The following PTPRE variants were observed in gnomAD, a reference collection of about 807,000 sequenced individuals.
PTPRE encodes the protein receptor-type tyrosine-protein phosphatase epsilon.
Under a neutral mutation model 102.0 loss-of-function variants are expected in PTPRE, and 51 were observed. That is an observed-to-expected ratio of 0.50 (90% confidence interval 0.40 to 0.63). The LOEUF (loss-of-function observed/expected upper bound fraction) is 0.63. PTPRE is among the 30% of genes least tolerant of loss of function. PTPRE has a pLI of 0.00. For missense variants in PTPRE, 752 were observed against 915.1 expected, an observed-to-expected ratio of 0.82 and a Z score of 2.30; for synonymous variants, 345 against 348.2, an observed-to-expected ratio of 0.99 and a Z score of 0.10.
intron 1 of PTPRE, among the ~76,000 whole-genome samples, chr10:127,974,696 G>A (rs1851012843): frequency 6.6e-6 from 1 of 152,180 alleles, no homozygotes; most frequent in South Asian, 2.1e-4. Flanking sequence ...GGCTGGTTTA[G>A]CATATTGATG....
rs546978721 is a variant in PTPRE, at chr10:128,015,861, C to CACAT, written c.-7-25013_-7-25010dup. On this transcript the variant is annotated intron_variant, in intron 2 of 20. Transcript: ENST00000254667. ...GCTGGAGAGCAGATGGCAGCACAAT[C>CACAT]ACATGACTGTATGCTGTTCTGCAGT... Among the ~76,000 whole-genome samples, 12 of 152,306 alleles carry CACAT rather than the reference C, an allele frequency of 7.9e-5. No individual in the cohort carries two copies. The East Asian group carries it at 2.3e-3, about 29-fold the overall frequency.
At chr10:128,077,406 C>G (rs1202348150) in intron 18 of PTPRE, among the ~76,000 whole-genome samples, 2 of 152,222 alleles carry the variant, frequency 1.3e-5, no homozygotes, top group Admixed American at 1.3e-4. Flanking sequence ...CTCGCTCCCC[C>G]TTGCAGAAGG....
intron 1 of PTPRE, among the ~76,000 whole-genome samples, chr10:127,939,628 G>A (rs897745436): frequency 6.6e-6 from 1 of 152,176 alleles, no homozygotes; most frequent in Non-Finnish European, 1.5e-5. Context: ...GAGTTGGGTT[G>A]CTCTTCCACA....
chr10:128,030,864 C>T (rs1355738119), intron 2 of PTPRE, among the ~76,000 whole-genome samples: 1 of 152,180 alleles, frequency 6.6e-6, no homozygotes, highest in African/African-American at 2.4e-5. Flanking sequence ...TCCCTTTCTC[C>T]CCAGGCAGCC....
At chr10:128,048,826 G>C (rs765312323) in intron 5 of PTPRE, among the ~76,000 whole-genome samples, 1 of 152,208 alleles carries the variant, frequency 6.6e-6, no homozygotes, top group Non-Finnish European at 1.5e-5. Flanking sequence ...GGCTCTGCAG[G>C]TGGGGACAGG....
chr10:127,943,861 G>C (rs374146359), intron 1 of PTPRE, among the ~76,000 whole-genome samples: 22 of 152,288 alleles, frequency 1.4e-4, no homozygotes, highest in African/African-American at 4.8e-4. Context: ...TGGAATGACC[G>C]TGCCCACTGC....
chr10:128,073,758 C>A (rs1850984476), intron 17 of PTPRE, among the ~76,000 whole-genome samples: 1 of 152,150 alleles, frequency 6.6e-6, no homozygotes, highest in African/African-American at 2.4e-5. Context: ...AAGATCATAA[C>A]CTGTTGAAGA....
intron 1 of PTPRE, among the ~76,000 whole-genome samples, chr10:127,963,621 T>C (rs974190246): frequency 6.6e-6 from 1 of 152,164 alleles, no homozygotes; most frequent in African/African-American, 2.4e-5. Flanking sequence ...CCTGGAGTTG[T>C]GGGGAAGCAC....
intron 1 of PTPRE, among the ~76,000 whole-genome samples, chr10:127,959,296 T>A (rs545324784): frequency 2.6e-5 from 4 of 152,232 alleles, no homozygotes; most frequent in Admixed American, 6.5e-5. Context: ...CCTAAAAGCT[T>A]ACCCAGTTCA....
chr10:127,937,717 G>T (rs1229636134), intron 1 of PTPRE, among the ~76,000 whole-genome samples: 2 of 152,178 alleles, frequency 1.3e-5, no homozygotes, highest in Non-Finnish European at 2.9e-5. Flanking sequence ...AAATTAGATG[G>T]GCGTGGTGGC....
intron 1 of PTPRE, chr10:127,936,150 C>T (rs1185045011): frequency 6.6e-6 from 1 of 152,206 alleles, no homozygotes; most frequent in Non-Finnish European, 1.5e-5. Flanking sequence ...CTGGAAGTCA[C>T]TCTCCATTTG....
chr10:128,033,041 C>T (rs1333258317), intron 2 of PTPRE, among the ~76,000 whole-genome samples: 2 of 152,100 alleles, frequency 1.3e-5, no homozygotes, highest in Non-Finnish European at 2.9e-5. Flanking sequence ...TTACTAACTA[C>T]CTCGGGGGCT....
chr10:128,039,293 T>A (rs1423832101), intron 2 of PTPRE, among the ~76,000 whole-genome samples: 1 of 152,168 alleles, frequency 6.6e-6, no homozygotes, highest in Non-Finnish European at 1.5e-5. Flanking sequence ...CAAATCACAG[T>A]TCCTCCATAT....
At chr10:127,909,116 G>A (rs11018399) in intron 1 of PTPRE, among the ~76,000 whole-genome samples, 45,836 of 152,076 alleles carry the variant, frequency 0.3, 7,518 homozygotes, top group African/African-American at 0.43. Context: ...TGTCAGCACC[G>A]CCACCTCCAC....
chr10:128,073,584 C>T, intron 17 of PTPRE, 113 bp downstream of exon 17: 1 of 1,284,576 alleles, frequency 7.8e-7, no homozygotes, highest in Non-Finnish European at 1.0e-6. Flanking sequence ...TGGGTGAGAC[C>T]AAGCCAGGAC....
chr10:127,910,859 A>G (rs1443904956), intron 1 of PTPRE, among the ~76,000 whole-genome samples: 1 of 152,108 alleles, frequency 6.6e-6, no homozygotes, highest in African/African-American at 2.4e-5. Flanking sequence ...TGAAGCACGC[A>G]GATCACTTGA....
intron 12 of PTPRE, chr10:128,068,680 A>C (rs923631688): frequency 6.4e-6 from 1 of 156,870 alleles, no homozygotes; most frequent in African/African-American, 2.4e-5. Context: ...GGAAGAGCAC[A>C]CCATGCTCAG....
chr10:128,070,356 C>G lies in PTPRE; in HGVS notation c.1199C>G (p.Thr400Arg), dbSNP rs780793097. Reference protein sequence around the residue: ...ALLEYYLYGDTELDVSSLEKH... With the variant: ...ALLEYYLYGDRELDVSSLEKH... Reference sequence around the variant, plus strand: ...CTCGAGTACTACCTCTACGGGGACACAGAGCTGGACGTGTCCTCCCTGGAG... The same window carrying G: ...CTCGAGTACTACCTCTACGGGGACAGAGAGCTGGACGTGTCCTCCCTGGAG... Residue 400 changes from threonine to arginine, a missense_variant, in exon 14 of 21, where the codon ACA becomes AGA. By Grantham distance (71) the Thr-to-Arg change is moderately conservative. This residue lies in a region of PTPRE where 636 missense variants were observed against 824.4 expected (regional missense o/e 0.77). Coordinates refer to ENST00000254667, the MANE Select transcript of PTPRE (RefSeq NM_006504.6). This position sits in a 1 kb window ranked among gnomAD's most constrained non-coding sequence, Gnocchi z 4.8. The G allele has an allele frequency of 6.2e-7, 1 of 1,614,192 alleles. No individual in the cohort carries two copies. The highest frequency in any genetic ancestry group is 8.5e-7 in the Non-Finnish European group (1 of 1,180,034).
intron 10 of PTPRE, among the ~76,000 whole-genome samples, 186 bp downstream of exon 10, chr10:128,063,366 C>T (rs1163420637): frequency 1.3e-5 from 2 of 152,246 alleles, no homozygotes; most frequent in Non-Finnish European, 2.9e-5. Context: ...GTGTCCCCAG[C>T]ATCTCACTGT....
Sources: gnomAD v4.1 joint callset for allele counts (sites outside exome capture counted in the v4.1 genomes callset) on GRCh38, gnomAD v4.1.1 for gene constraint, gnomAD v4.1.1 regional missense constraint, Gnocchi (gnomAD v3.1) non-coding constraint, MANE v1.5 for transcripts, NCBI Gene and HGNC (gene_info 2026-07-23, HGNC 2026-07-21) for gene names.